COLEC10: variants seen among roughly 807,000 people sequenced by gnomAD.
The protein encoded by COLEC10 is collectin subfamily member 10.
In COLEC10, 22 loss-of-function variants were observed where a neutral mutation model predicts 28.4. That is an observed-to-expected ratio of 0.78 (90% CI 0.55 to 1.11). The LOEUF (loss-of-function observed/expected upper bound fraction) is 1.11, where lower values mean the gene tolerates loss of function less well. Among genes scored for constraint, COLEC10 ranks in the 50% least tolerant of loss-of-function variants. The pLI is 0.00. For synonymous variants in COLEC10, 125 were observed against 116.1 expected, an observed-to-expected ratio of 1.08 and a Z score of -0.49; for missense variants, 361 against 344.1, an observed-to-expected ratio of 1.05 and a Z score of -0.39.
intron 2 of COLEC10, among the ~76,000 whole-genome samples, chr8:119,023,019 T>A (rs191825230): frequency 3.8e-4 from 58 of 152,288 alleles, no homozygotes; most frequent in African/African-American, 1.3e-3. Context: ...TGGAAGCAAC[T>A]GTGGTAATTC....
upstream of COLEC10, among the ~76,000 whole-genome samples, chr8:119,066,563 T>C (rs1814966903): frequency 6.6e-6 from 1 of 152,250 alleles, no homozygotes; most frequent in Admixed American, 6.5e-5. Flanking sequence ...TGAAGGCCTT[T>C]CGCCTTTCTG....
chr8:118,964,273 A>G, the COLEC10 span, among the ~76,000 whole-genome samples: 6 of 152,162 alleles, frequency 3.9e-5, no homozygotes, highest in Admixed American at 3.9e-4. Flanking sequence ...TGCACTTTTA[A>G]TTATATTTTT....
At position 119,031,254 on chromosome 8, in the gene COLEC10, G is replaced by A. The variant is rs138891903; in HGVS notation, n.235+21701G>A. 6.8e-4 allele frequency among the ~76,000 whole-genome samples: 103 copies of A among 152,266 alleles called. 2 individuals carry two copies. In the South Asian group the frequency reaches 8.9e-3, roughly 13 times the overall value. On this transcript the variant is annotated intron_variant and non_coding_transcript_variant, in intron 2 of 6. Coordinates refer to the COLEC10 transcript ENST00000521788. ...GAGGTTTGCATTTGTTAAATCTGTC[G>A]TGTACACCCTATCTGTCAGGTATTG...
At chr8:119,091,033 A>G (rs1815581502) in intron 2 of COLEC10, 116 bp from the exon 3 acceptor site, 1 of 771,464 alleles carries the variant, frequency 1.3e-6, no homozygotes, top group South Asian at 1.5e-5. Flanking sequence ...TATATATTAG[A>G]TATCACTGGT....
At chr8:118,984,881 C>T in the COLEC10 span, among the ~76,000 whole-genome samples, 26 of 152,216 alleles carry the variant, frequency 1.7e-4, no homozygotes, top group Admixed American at 7.9e-4. Flanking sequence ...TCACATCTTA[C>T]GTGGATGGTG....
the COLEC10 span, among the ~76,000 whole-genome samples, chr8:118,956,741 T>G: frequency 4.7e-4 from 71 of 152,322 alleles, no homozygotes; most frequent in African/African-American, 1.7e-3. Flanking sequence ...TCAGGTTTTC[T>G]CCTCAAAAAT....
chr8:118,987,375 C>A, the COLEC10 span, among the ~76,000 whole-genome samples: 1 of 152,072 alleles, frequency 6.6e-6, no homozygotes, highest in African/African-American at 2.4e-5. Flanking sequence ...ACCAGCCTGG[C>A]CAACAGGGCA....
At chr8:119,105,046 G>A (rs1287555020) in intron 5 of COLEC10, among the ~76,000 whole-genome samples, 2 of 152,110 alleles carry the variant, frequency 1.3e-5, no homozygotes, top group Admixed American at 6.6e-5. Context: ...ATGAAATATG[G>A]ACAATCCCAA....
chr8:119,106,154 T>G lies in COLEC10; in HGVS notation c.797T>G (p.Met266Arg), dbSNP rs758740979. ...RWNDTECHLT[M>R]YFVCEFIKKK... ...AATGACACAGAGTGCCATCTTACCA[T>G]GTACTTTGTCTGTGAGTTCATCAAG... The change falls in exon 6 of 6, where the codon ATG becomes AGG. Residue 266 changes from methionine (M) to arginine (R), a missense_variant. Transcript: ENST00000332843. 6.2e-7 allele frequency: 1 copy of G among 1,608,370 alleles called. No homozygotes were observed.
chr8:119,098,217 G>A (rs1028325802), intron 3 of COLEC10, among the ~76,000 whole-genome samples: 1 of 152,020 alleles, frequency 6.6e-6, no homozygotes, highest in African/African-American at 2.4e-5. Flanking sequence ...AGGATCTTAA[G>A]CACAGTCTTA....
At chr8:119,048,270 C>T (rs565834081) in intron 2 of COLEC10, among the ~76,000 whole-genome samples, 2 of 152,180 alleles carry the variant, frequency 1.3e-5, no homozygotes, top group Non-Finnish European at 2.9e-5. Context: ...TGCATTAACT[C>T]GCTTAGAATT....
chr8:119,037,939 G>A (rs1331976565), intron 2 of COLEC10, among the ~76,000 whole-genome samples: 1 of 152,174 alleles, frequency 6.6e-6, no homozygotes, highest in Non-Finnish European at 1.5e-5. Flanking sequence ...TAAAGGGCTT[G>A]GACCCTATCT....
At chr8:119,090,744 A>G (rs981686484) in intron 2 of COLEC10, among the ~76,000 whole-genome samples, 18 of 152,176 alleles carry the variant, frequency 1.2e-4, no homozygotes, top group African/African-American at 4.3e-4. Context: ...TAAGTGGCAC[A>G]ATTGTTAAAT....
intron 1 of COLEC10, among the ~76,000 whole-genome samples, chr8:119,079,394 G>A (rs899962918): frequency 2.6e-5 from 4 of 152,142 alleles, no homozygotes; most frequent in African/African-American, 7.2e-5. Context: ...TGAACCAAGC[G>A]CTTTGATCCC....
At chr8:119,039,917 T>C (rs559761600) in intron 2 of COLEC10, among the ~76,000 whole-genome samples, 15 of 152,306 alleles carry the variant, frequency 9.8e-5, no homozygotes, top group Admixed American at 2.6e-4. Flanking sequence ...TAGATTCAAG[T>C]TGCTACTTTA....
rs117654265 is a variant in COLEC10, at chr8:119,057,541, G to A, written n.236-32139G>A. Reference sequence around the variant, plus strand: ...CCATCAGAATATTTTCCACACTAATGACAACTACTATTGTACTTCTCTGTC... The same window carrying A: ...CCATCAGAATATTTTCCACACTAATAACAACTACTATTGTACTTCTCTGTC... On this transcript the variant is annotated intron_variant and non_coding_transcript_variant, in intron 2 of 6. Coordinates refer to the COLEC10 transcript ENST00000521788. Among the ~76,000 whole-genome samples, 659 of 152,046 alleles carry A rather than the reference G, an allele frequency of 4.3e-3. 4 individuals are homozygous for A. Among genetic ancestry groups the A allele is most frequent in the Middle Eastern group, 0.01 (3 of 294 alleles).
At chr8:119,028,121 T>C (rs1238815946) in intron 2 of COLEC10, among the ~76,000 whole-genome samples, 1 of 152,164 alleles carries the variant, frequency 6.6e-6, no homozygotes, top group Admixed American at 6.5e-5. Context: ...GTCTCCCCCA[T>C]TTAGTACAAG....
the COLEC10 span, among the ~76,000 whole-genome samples, chr8:118,954,379 C>A: frequency 2.6e-5 from 4 of 152,112 alleles, no homozygotes; most frequent in Non-Finnish European, 5.9e-5. Context: ...CTGGCCAATC[C>A]CCTAGGGTAT....
At chr8:119,046,216 C>T (rs1329576116) in intron 2 of COLEC10, among the ~76,000 whole-genome samples, 2 of 152,058 alleles carry the variant, frequency 1.3e-5, no homozygotes, top group African/African-American at 4.8e-5. Flanking sequence ...TTTAGCACCA[C>T]TGTCTGTCTC....
Sources: allele counts gnomAD v4.1 joint callset (sites outside exome capture counted in the v4.1 genomes callset), GRCh38; gene constraint gnomAD v4.1.1; transcripts MANE v1.5; gene names NCBI Gene and HGNC (gene_info 2026-07-23, HGNC 2026-07-21).